LPP: variants seen among roughly 807,000 people sequenced by gnomAD.
LPP encodes the protein LIM domain containing preferred translocation partner in lipoma, also known as lipoma-preferred partner.
Under a neutral mutation model 60.4 loss-of-function variants are expected in LPP, and 38 were observed. That is an observed-to-expected ratio of 0.63 (90% CI 0.49 to 0.83). LPP has a LOEUF of 0.83. LPP is among the 40% of genes least tolerant of loss of function. The pLI is 0.00. For missense variants in LPP, 902 were observed against 783.6 expected, an observed-to-expected ratio of 1.15 and a Z score of -1.80; for synonymous variants, 328 against 290.8, an observed-to-expected ratio of 1.13 and a Z score of -1.30.
At chr3:188,645,941 T>C (rs1851032991) in intron 7 of LPP, among the ~76,000 whole-genome samples, 1 of 152,166 alleles carries the variant, frequency 6.6e-6, no homozygotes, top group Non-Finnish European at 1.5e-5. Flanking sequence ...CTTATCTTTA[T>C]ATTTTCTTTA....
chr3:188,263,699 C>G (rs1460699044), intron 2 of LPP, among the ~76,000 whole-genome samples: 1 of 152,168 alleles, frequency 6.6e-6, no homozygotes, highest in African/African-American at 2.4e-5. Context: ...GCTCATAATC[C>G]GTCACGTAGA....
chr3:188,372,016 A>T (rs1773420836), intron 3 of LPP, among the ~76,000 whole-genome samples: 1 of 149,334 alleles, frequency 6.7e-6, no homozygotes, highest in Non-Finnish European at 1.5e-5. Context: ...CCTCTGGCCT[A>T]GTTTGTGGGG....
At chr3:188,250,748 T>G (rs570665482) in intron 2 of LPP, among the ~76,000 whole-genome samples, 43 of 113,316 alleles carry the variant, frequency 3.8e-4, no homozygotes, top group African/African-American at 1.7e-3. Flanking sequence ...CTTTCTTTCT[T>G]TCTTTCTTTC....
chr3:188,593,594 CT>C (rs1222093082), intron 6 of LPP, among the ~76,000 whole-genome samples: 11 of 151,926 alleles, frequency 7.2e-5, no homozygotes, highest in Admixed American at 7.2e-4. Context: ...CCATGCTCCC[CT>C]CCCACTCTTT....
rs578035619 is a variant in LPP at position 188,246,282 on chromosome 3, T to G, written c.-67+20755T>G. Among the ~76,000 whole-genome samples, 26 of 152,308 alleles carry G rather than the reference T, an allele frequency of 1.7e-4. No homozygotes were observed. The South Asian group carries it at 3.3e-3, about 19-fold the overall frequency. On this transcript the variant is annotated intron_variant, in intron 2 of 11. Coordinates refer to ENST00000617246, the MANE Select transcript of LPP (RefSeq NM_001375462.1). ...AGGTGTCTATTTCTTTGGTCTACCCTTCAAGTAGGAATGAAAACCCATAGA... is the reference window on the plus strand; with the variant it reads ...AGGTGTCTATTTCTTTGGTCTACCCGTCAAGTAGGAATGAAAACCCATAGA...
At chr3:188,378,153 A>G (rs1309185602) in intron 3 of LPP, among the ~76,000 whole-genome samples, 1 of 152,222 alleles carries the variant, frequency 6.6e-6, no homozygotes, top group Non-Finnish European at 1.5e-5. Context: ...CTTGCGGGTC[A>G]GGGACCCACT....
chr3:188,493,138 T>G (rs1270509140), intron 5 of LPP, among the ~76,000 whole-genome samples: 1 of 152,212 alleles, frequency 6.6e-6, no homozygotes, highest in African/African-American at 2.4e-5. Context: ...TGAGTCTTTG[T>G]ATATCTAAAA....
rs1820044115 is a variant in LPP, at chr3:188,524,885, TTCCTTCCGTCCGTC to T, written c.429+99_429+112del. 5 of 327,354 alleles carry T rather than the reference TTCCTTCCGTCCGTC, an allele frequency of 1.5e-5. No individual in the cohort carries two copies. The East Asian group carries it at 1.9e-3, about 122-fold the overall frequency. 20.3% of individuals were successfully genotyped at this position (327,354 alleles called of 1,614,324 possible). A position where few individuals can be genotyped will look rare whatever the true frequency, so the allele number is the denominator to read the frequency against. On this transcript the variant is annotated intron_variant, in intron 6 of 11. Coordinates refer to ENST00000617246, the MANE Select transcript of LPP (RefSeq NM_001375462.1). ...CACCTGAGAGCTTATTTCCCCTTCC[TTCCTTCCGTCCGTC>T]CTTCCTTCCTTCCTTCCTTCCTTCC...
intron 3 of LPP, among the ~76,000 whole-genome samples, chr3:188,403,883 A>G (rs1385422585): frequency 6.6e-6 from 1 of 152,184 alleles, no homozygotes; most frequent in Non-Finnish European, 1.5e-5. Context: ...GTGTGTATAT[A>G]TATACATGTA....
chr3:188,845,318 C>T (rs1244579764), intron 9 of LPP, among the ~76,000 whole-genome samples: 2 of 152,164 alleles, frequency 1.3e-5, no homozygotes, highest in African/African-American at 2.4e-5. Flanking sequence ...GCTCAGACAG[C>T]CCCAGAGCTG....
chr3:188,405,350 A>G (rs1413480411), intron 3 of LPP, among the ~76,000 whole-genome samples: 1 of 152,216 alleles, frequency 6.6e-6, no homozygotes, highest in African/African-American at 2.4e-5. Flanking sequence ...TGCCTGAAGA[A>G]TAAATTTAAA....
Position 188,414,147 on chromosome 3 carries a change from T to G in LPP, c.193+7834T>G, listed in dbSNP as rs1578716374. Among the ~76,000 whole-genome samples the G allele has an allele frequency of 3.9e-5, 6 of 152,212 alleles. 1 individual carries two copies. The East Asian group carries it at 9.6e-4, about 24-fold the overall frequency. ...AAAATAACATTATTAATAATAATAG[T>G]GATAACATTTGTGAAATAAAATTTA... On this transcript the variant is annotated intron_variant, in intron 4 of 11. Coordinates refer to ENST00000617246, the MANE Select transcript of LPP (RefSeq NM_001375462.1).
intron 3 of LPP, among the ~76,000 whole-genome samples, chr3:188,345,090 A>G (rs1409969779): frequency 1.3e-5 from 2 of 152,188 alleles, no homozygotes; most frequent in South Asian, 2.1e-4. Context: ...TGATTTGTCT[A>G]AAGTGTTTTT....
At chr3:188,492,465 T>C (rs1978558) in intron 5 of LPP, among the ~76,000 whole-genome samples, 136,448 of 152,144 alleles carry the variant, frequency 0.9, 61,585 homozygotes, top group Non-Finnish European at 0.95. Context: ...GAGGCTGAGG[T>C]AGGTGGATTA....
intron 7 of LPP, among the ~76,000 whole-genome samples, chr3:188,671,762 G>A (rs1240442960): frequency 6.6e-6 from 1 of 152,132 alleles, no homozygotes; most frequent in Admixed American, 6.5e-5. Context: ...GTCTGTTTCA[G>A]ACAAATTACT....
At chr3:188,543,091 G>A (rs1490601731) in intron 6 of LPP, among the ~76,000 whole-genome samples, 1 of 152,180 alleles carries the variant, frequency 6.6e-6, no homozygotes, top group Non-Finnish European at 1.5e-5. Flanking sequence ...CCTTTAGGAT[G>A]TGACTGGTCT....
Position 188,242,423 on chromosome 3 carries a change from A to AC in LPP, c.-67+16896_-67+16897insC, listed in dbSNP as rs998206850. Reference sequence around the variant, plus strand: ...AGAAGGAAAAGAAGAAGGAAAAAAAAACCACACACATTGAATGGGAAGGCA... The same window carrying AC: ...AGAAGGAAAAGAAGAAGGAAAAAAAACACCACACACATTGAATGGGAAGGCA... On this transcript the variant is annotated intron_variant, in intron 2 of 11. Coordinates refer to ENST00000617246, the MANE Select transcript of LPP (RefSeq NM_001375462.1). Among the ~76,000 whole-genome samples the AC allele has an allele frequency of 1.3e-5, 2 of 151,572 alleles. 1 individual carries two copies. Among genetic ancestry groups the AC allele is most frequent in the African/African-American group, 4.9e-5 (2 of 40,944 alleles).
At chr3:188,271,289 AG>A (rs937259080) in intron 2 of LPP, among the ~76,000 whole-genome samples, 61 of 152,336 alleles carry the variant, frequency 4.0e-4, no homozygotes, top group African/African-American at 1.4e-3. Flanking sequence ...GAAGAAATGT[AG>A]GTATGTTCAA....
chr3:188,242,677 C>T (rs567227428), intron 2 of LPP, among the ~76,000 whole-genome samples: 1 of 152,182 alleles, frequency 6.6e-6, no homozygotes, highest in Non-Finnish European at 1.5e-5. Flanking sequence ...AGAGCCAGAA[C>T]TGGGCCAGGT....
Sources: allele counts gnomAD v4.1 joint callset (sites outside exome capture counted in the v4.1 genomes callset), GRCh38; gene constraint gnomAD v4.1.1; transcripts MANE v1.5; gene names NCBI Gene and HGNC (gene_info 2026-07-23, HGNC 2026-07-21).